Variants in LEMD3 observed in about 807,000 individuals in gnomAD.
LEMD3 encodes inner nuclear membrane protein Man1.
Under a neutral mutation model 95.2 loss-of-function variants are expected in LEMD3, and 33 were observed. The observed-to-expected ratio is 0.35, with a 90% CI of 0.26 to 0.46. LEMD3 has a LOEUF of 0.46. Ranked by LOEUF, LEMD3 falls within the 20% of genes least tolerant of loss-of-function variation. The pLI, the probability that LEMD3 is intolerant of heterozygous loss-of-function variation, is 1.00. For missense variants in LEMD3, 1,210 were observed against 1,192.8 expected (o/e 1.01, Z -0.21); for synonymous variants, 525 against 474.6 (o/e 1.11, Z -1.38).
chr12:65,170,418 G>A lies in LEMD3; in HGVS notation c.822G>A (p.Gln274=). ...EDDDDVASSR[Q]VLKDDSLSRH... ...ACGACGACGTGGCCTCCAGCAGACAGGTATTAAAGGACGACTCCCTTTCCC... is the reference window on the plus strand; with the variant it reads ...ACGACGACGTGGCCTCCAGCAGACAAGTATTAAAGGACGACTCCCTTTCCC... Residue 274 remains glutamine (Q), a synonymous_variant, in exon 1 of 13, where the codon CAG becomes CAA. Transcript: ENST00000308330. The A allele has an allele frequency of 6.2e-7, 1 of 1,614,050 alleles. No individual in the cohort carries two copies. The highest frequency in any genetic ancestry group is 8.5e-7 in the Non-Finnish European group (1 of 1,180,008).
chr12:65,231,132 G>A (rs1870613545), intron 4 of LEMD3, among the ~76,000 whole-genome samples: 1 of 151,998 alleles, frequency 6.6e-6, no homozygotes, highest in Non-Finnish European at 1.5e-5. Flanking sequence ...TATGTAAAAT[G>A]TTAATACTCT....
chr12:65,201,371 A>T (rs893805997), intron 1 of LEMD3, among the ~76,000 whole-genome samples: 1 of 152,194 alleles, frequency 6.6e-6, no homozygotes, highest in African/African-American at 2.4e-5. Context: ...CATTGAATCT[A>T]TAGATCAAGT....
In LEMD3 at chr12:65,171,084, A is replaced by G. The variant is rs773654384; in HGVS notation, c.1488A>G (p.Arg496=). 1.2e-6 allele frequency: 2 copies of G among 1,613,568 alleles called. No homozygotes were observed. Among genetic ancestry groups the G allele is most frequent in the East Asian group, 2.2e-5 (1 of 44,886 alleles). The change falls in exon 1 of 13, where the codon AGA becomes AGG. Residue 496 remains arginine, a synonymous_variant. Coordinates refer to ENST00000308330, the MANE Select transcript of LEMD3 (RefSeq NM_014319.5). Reference sequence around the variant, plus strand: ...TGGGACTGACTTACCTAGGAATGAGAGGGACAGGAGTATCTGAGGATGGAG... The same window carrying G: ...TGGGACTGACTTACCTAGGAATGAGGGGGACAGGAGTATCTGAGGATGGAG... ...LILGLTYLGM[R]GTGVSEDGEL...
chr12:65,240,745 A>G, intron 8 of LEMD3, 164 bp from the exon 9 acceptor site: 1 of 649,964 alleles, frequency 1.5e-6, no homozygotes. Context: ...GGAAATTGAA[A>G]CTCAGAAAAT....
chr12:65,240,023 G>A lies in LEMD3; in HGVS notation c.2016G>A (p.Lys672=). The A allele has an allele frequency of 6.3e-7, 1 of 1,596,470 alleles. No individual in the cohort carries two copies. The highest frequency in any genetic ancestry group is 8.6e-7 in the Non-Finnish European group (1 of 1,164,038). Residue 672 remains lysine (K), a synonymous_variant, in exon 7 of 13, where the codon AAG becomes AAA. Coordinates refer to ENST00000308330, the MANE Select transcript of LEMD3 (RefSeq NM_014319.5). ...GGCAGATGTATGATATGGTGGTAAA[G>A]ATTATAGGTATGATATTTGTAAGAA... ...ETRQMYDMVV[K]IIDVLRSHNE...
intron 10 of LEMD3, among the ~76,000 whole-genome samples, chr12:65,244,319 C>T (rs1156760147): frequency 2.0e-5 from 3 of 148,978 alleles, no homozygotes; most frequent in Non-Finnish European, 4.5e-5. Flanking sequence ...AACACCGCCT[C>T]TATTTTGCAG....
At chr12:65,196,666 C>T (rs1267006579) in intron 1 of LEMD3, among the ~76,000 whole-genome samples, 14 of 151,988 alleles carry the variant, frequency 9.2e-5, no homozygotes, top group Non-Finnish European at 1.9e-4. Flanking sequence ...CTTACAGGCC[C>T]AGTGTGGATC....
chr12:65,226,329 C>G (rs1367062336), intron 4 of LEMD3, among the ~76,000 whole-genome samples: 1 of 152,096 alleles, frequency 6.6e-6, no homozygotes, highest in Non-Finnish European at 1.5e-5. Context: ...ATGAATTTTC[C>G]TAACAGCTTT....
intron 1 of LEMD3, among the ~76,000 whole-genome samples, chr12:65,203,928 T>G (rs149748748): frequency 1.3e-5 from 2 of 152,296 alleles, no homozygotes; most frequent in Non-Finnish European, 2.9e-5. Context: ...AATTTTGCAG[T>G]ATCTGAAATT....
intron 1 of LEMD3, among the ~76,000 whole-genome samples, chr12:65,193,653 G>A (rs368341373): frequency 1.8e-4 from 27 of 151,978 alleles, no homozygotes; most frequent in Non-Finnish European, 3.4e-4. Context: ...GCGGATCCCT[G>A]GCTCTGGCTG....
intron 1 of LEMD3, among the ~76,000 whole-genome samples, chr12:65,198,818 T>G (rs1286197184): frequency 1.3e-5 from 2 of 152,202 alleles, no homozygotes; most frequent in East Asian, 1.9e-4. Flanking sequence ...TATTGTTATA[T>G]TGTTAGCATT....
rs1482185397 is a variant in LEMD3, at chr12:65,216,049, T to G, written c.1627+6T>G. 1.9e-6 allele frequency: 3 copies of G among 1,563,690 alleles called. No individual in the cohort carries two copies. The highest frequency in any genetic ancestry group is 2.7e-5 in the African/African-American group (2 of 73,914). On this transcript the variant is annotated splice_donor_region_variant and intron_variant, in intron 3 of 12. Coordinates refer to ENST00000308330, the MANE Select transcript of LEMD3 (RefSeq NM_014319.5). ...TCGATTGGCACAGCTTGCAGGTAATTGTTTTAACTTTTATAGTTGCTAAAA... is the reference window on the plus strand; with the variant it reads ...TCGATTGGCACAGCTTGCAGGTAATGGTTTTAACTTTTATAGTTGCTAAAA...
intron 1 of LEMD3, among the ~76,000 whole-genome samples, chr12:65,190,307 T>C (rs1869198205): frequency 2.0e-5 from 3 of 152,122 alleles, no homozygotes; most frequent in Admixed American, 2.0e-4. Flanking sequence ...CTTCAGGCCA[T>C]GATGGGAAGT....
intron 1 of LEMD3, among the ~76,000 whole-genome samples, chr12:65,195,982 C>T (rs1869418620): frequency 6.6e-6 from 1 of 152,092 alleles, no homozygotes; most frequent in Non-Finnish European, 1.5e-5. Flanking sequence ...CTGAATTCCT[C>T]AGCAAATTTC....
intron 4 of LEMD3, among the ~76,000 whole-genome samples, chr12:65,232,374 G>A (rs978159130): frequency 2.6e-5 from 4 of 152,144 alleles, no homozygotes; most frequent in African/African-American, 9.7e-5. Context: ...ACCAAAGAAT[G>A]TGTAGAGCCC....
chr12:65,242,389 C>T (rs528925716), intron 9 of LEMD3, among the ~76,000 whole-genome samples: 1 of 152,184 alleles, frequency 6.6e-6, no homozygotes, highest in South Asian at 2.1e-4. Flanking sequence ...GGGATAACTC[C>T]CAAATTTTTT....
intron 4 of LEMD3, among the ~76,000 whole-genome samples, chr12:65,220,560 CT>C (rs1870253608): frequency 6.6e-6 from 1 of 152,006 alleles, no homozygotes; most frequent in Non-Finnish European, 1.5e-5. Context: ...TGCACATATG[CT>C]TTTTAGTTTG....
In LEMD3 at chr12:65,238,772, G is replaced by A. The variant is rs376680164; in HGVS notation, c.1879G>A (p.Ala627Thr). The change falls in exon 6 of 13, where the codon GCT becomes ACT. Residue 627 changes from alanine (A) to threonine (T), a missense_variant. By Grantham distance (58) the Ala-to-Thr change is moderately conservative. This residue lies in a region of LEMD3 where 461 missense variants were observed against 569.8 expected (regional missense o/e 0.81). Coordinates refer to ENST00000308330, the MANE Select transcript of LEMD3 (RefSeq NM_014319.5). ...GTCTTTTTGGTGTCGTTTTCGACGT[G>A]CTTTTGTTACTGTAACTCACAGATT... is the stretch of plus-strand genomic sequence containing the variant. ...LMSFWCRFRR[A>T]FVTVTHRLLL... is the part of the protein sequence containing the mutation. The A allele has an allele frequency of 6.2e-7, 1 of 1,614,030 alleles. No homozygotes were observed. Among genetic ancestry groups the A allele is most frequent in the African/African-American group, 1.3e-5 (1 of 75,044 alleles).
At chr12:65,192,417 G>GT (rs1869272889) in intron 1 of LEMD3, among the ~76,000 whole-genome samples, 1 of 152,194 alleles carries the variant, frequency 6.6e-6, no homozygotes, top group East Asian at 1.9e-4. Flanking sequence ...TTTTGCCTGT[G>GT]TGGGTATAGG....
Sources: allele counts gnomAD v4.1 joint callset (sites outside exome capture counted in the v4.1 genomes callset), GRCh38; gene constraint gnomAD v4.1.1; regional missense constraint gnomAD v4.1.1; transcripts MANE v1.5; gene names NCBI Gene and HGNC (gene_info 2026-07-23, HGNC 2026-07-21).